ESYT2: variants seen among roughly 807,000 people sequenced by gnomAD.
ESYT2 encodes extended synaptotagmin-2.
ESYT2 carries 54 observed loss-of-function variants against 107.2 expected under a neutral mutation model. The observed-to-expected ratio is 0.50, with a 90% confidence interval of 0.40 to 0.63. The LOEUF is 0.63. ESYT2 is among the 30% of genes least tolerant of loss of function. ESYT2 has a pLI of 0.00. For synonymous variants in ESYT2, 491 were observed against 434.1 expected (o/e 1.13, Z -1.63); for missense variants, 1,020 against 1,094.5 (o/e 0.93, Z 0.96).
chr7:158,771,779 C>T (rs1584824240), intron 7 of ESYT2, among the ~76,000 whole-genome samples: 1 of 152,174 alleles, frequency 6.6e-6, no homozygotes, highest in Non-Finnish European at 1.5e-5. Flanking sequence ...TCAGAGCAGG[C>T]AGTGGGCGCC....
intron 1 of ESYT2, among the ~76,000 whole-genome samples, chr7:158,810,964 T>C (rs944349508): frequency 6.7e-6 from 1 of 149,170 alleles, no homozygotes; most frequent in African/African-American, 2.5e-5. Flanking sequence ...GGCTGGATTG[T>C]ATGGTATGTG....
At chr7:158,792,768 T>G (rs956839456) in intron 4 of ESYT2, among the ~76,000 whole-genome samples, 232 of 135,956 alleles carry the variant, frequency 1.7e-3, no homozygotes, top group Non-Finnish European at 2.4e-3. Flanking sequence ...CGTGGGGTTT[T>G]TTTTTTTTTT....
intron 6 of ESYT2, among the ~76,000 whole-genome samples, chr7:158,783,916 A>T (rs1839016172): frequency 6.6e-6 from 1 of 152,230 alleles, no homozygotes; most frequent in Non-Finnish European, 1.5e-5. Context: ...TGGGGGAGGG[A>T]AGCACCTTGA....
At chr7:158,789,349 T>C (rs1839208074) in intron 4 of ESYT2, among the ~76,000 whole-genome samples, 1 of 152,144 alleles carries the variant, frequency 6.6e-6, no homozygotes, top group Non-Finnish European at 1.5e-5. Context: ...ATTCTATGAC[T>C]TGATCATTTT....
At chr7:158,742,673 G>A (rs1837256867) in intron 17 of ESYT2, among the ~76,000 whole-genome samples, 1 of 152,236 alleles carries the variant, frequency 6.6e-6, no homozygotes, top group Admixed American at 6.5e-5. Context: ...GCTGGTCCCT[G>A]GGCTGGCTTG....
At chr7:158,755,826 T>C (rs558898084) in intron 13 of ESYT2, among the ~76,000 whole-genome samples, 20 of 152,130 alleles carry the variant, frequency 1.3e-4, no homozygotes, top group African/African-American at 4.6e-4. Context: ...ATGAGATCAC[T>C]TGGACACAGG....
chr7:158,825,771 G>A (rs1296758583), intron 1 of ESYT2, among the ~76,000 whole-genome samples: 4 of 152,146 alleles, frequency 2.6e-5, no homozygotes, highest in South Asian at 4.1e-4. Context: ...GGTTGTCAAC[G>A]ACACACTATG....
intron 1 of ESYT2, among the ~76,000 whole-genome samples, chr7:158,800,141 C>A (rs952864197): frequency 2.0e-5 from 3 of 151,674 alleles, no homozygotes; most frequent in Non-Finnish European, 4.4e-5. Context: ...CTCCGCCTCC[C>A]GGGTTCAAGT....
Position 158,829,118 on chromosome 7 carries a change from C to G in ESYT2, c.301G>C (p.Gly101Arg). ...GCGGGCAGGTCGCAGGCGCGCACCCCCAGGCGCACGACGCGCTCCTCGTCT... is the reference window on the plus strand; with the variant it reads ...GCGGGCAGGTCGCAGGCGCGCACCCGCAGGCGCACGACGCGCTCCTCGTCT... ...LEDEERVVRL[G>R]VRACDLPAWV... Residue 101 changes from glycine to arginine, a missense_variant, in exon 1 of 23, where the codon GGG becomes CGG. By Grantham distance (125) the Gly-to-Arg change is moderately radical. Coordinates refer to ENST00000275418, the MANE Select transcript of ESYT2 (RefSeq NM_001367773.1). The G allele has an allele frequency of 6.3e-7, 1 of 1,578,784 alleles. No individual in the cohort carries two copies. Among genetic ancestry groups the G allele is most frequent in the Non-Finnish European group, 8.5e-7 (1 of 1,171,628 alleles).
At chr7:158,828,707 C>CG (rs1440263590) in intron 1 of ESYT2, among the ~76,000 whole-genome samples, 1 of 152,120 alleles carries the variant, frequency 6.6e-6, no homozygotes, top group Non-Finnish European at 1.5e-5. Flanking sequence ...CGGCGAGCAG[C>CG]GGGCGGCGGC....
Position 158,759,952 on chromosome 7 carries a change from T to C in ESYT2, c.1323+106A>G, listed in dbSNP as rs1362105661. ...CTTATTACACAATAATGAAAATTAC[T>C]GCTATAATTGTTAAAAAATCAAGTA... On this transcript the variant is annotated intron_variant, in intron 12 of 22. Coordinates refer to ENST00000275418, the MANE Select transcript of ESYT2 (RefSeq NM_001367773.1). 6 of 929,540 alleles carry C rather than the reference T, an allele frequency of 6.5e-6. No homozygotes were observed. The African/African-American group carries it at 8.2e-5, about 13-fold the overall frequency. The allele number at this position is 929,540 out of a possible 1,614,324, so 57.6% of individuals were successfully genotyped here.
intron 3 of ESYT2, among the ~76,000 whole-genome samples, chr7:158,797,405 C>G (rs1839495897): frequency 1.3e-5 from 2 of 151,946 alleles, no homozygotes; most frequent in Admixed American, 6.6e-5. Flanking sequence ...GTGCTGGGGT[C>G]ACAAGCATGA....
intron 4 of ESYT2, among the ~76,000 whole-genome samples, chr7:158,792,930 G>A (rs1388786887): frequency 1.3e-5 from 2 of 151,644 alleles, no homozygotes; most frequent in East Asian, 3.9e-4. Flanking sequence ...CACCACGCCT[G>A]GCTAATTTTT....
intron 16 of ESYT2, among the ~76,000 whole-genome samples, chr7:158,746,633 CA>C (rs1341499952): frequency 6.6e-6 from 1 of 152,040 alleles, no homozygotes; most frequent in African/African-American, 2.4e-5. Context: ...TACATATGGG[CA>C]ACTGAATTTC....
rs1327420213 is a variant in ESYT2 at position 158,829,468 on chromosome 7, G to C, written c.-50C>G. On this transcript the variant is annotated 5_prime_UTR_variant, in exon 1 of 23. Transcript: ENST00000275418. ...CCCGGCCGAGGCGGGCTGGGTGCTCGCGCTGATCCCGGGCGGCTCAGCCCC... is the reference window on the plus strand; with the variant it reads ...CCCGGCCGAGGCGGGCTGGGTGCTCCCGCTGATCCCGGGCGGCTCAGCCCC... The C allele has an allele frequency of 1.7e-6, 2 of 1,207,250 alleles. No individual in the cohort carries two copies. Among genetic ancestry groups the C allele is most frequent in the African/African-American group, 1.6e-5 (1 of 62,842 alleles). 74.8% of individuals were successfully genotyped at this position (1,207,250 alleles called of 1,614,324 possible). A position where few individuals can be genotyped will look rare whatever the true frequency, so the allele number is the denominator to read the frequency against.
At chr7:158,826,417 G>A (rs1288162624) in intron 1 of ESYT2, among the ~76,000 whole-genome samples, 1 of 151,880 alleles carries the variant, frequency 6.6e-6, no homozygotes, top group African/African-American at 2.4e-5. Context: ...ACATTCTGGA[G>A]AAAATATAAA....
intron 17 of ESYT2, among the ~76,000 whole-genome samples, chr7:158,743,207 C>T (rs1014234201): frequency 1.3e-5 from 2 of 152,072 alleles, no homozygotes; most frequent in Non-Finnish European, 2.9e-5. Context: ...TTGTTGATAC[C>T]AACAGTAACA....
intron 1 of ESYT2, among the ~76,000 whole-genome samples, chr7:158,828,663 G>A (rs547773276): frequency 1.3e-5 from 2 of 152,328 alleles, no homozygotes; most frequent in South Asian, 2.1e-4. Flanking sequence ...TTGGACGGAG[G>A]GAGGGCACGG....
Position 158,732,074 on chromosome 7 carries a change from T to C in ESYT2, c.*2133A>G, listed in dbSNP as rs1413619454. On this transcript the variant is annotated 3_prime_UTR_variant, in exon 23 of 23. Transcript: ENST00000275418. ...CTTCCTCTGGGCTTTGTACCTTTAA[T>C]TGTGTCTACTCTGCCTAAGTGCTTA... The C allele has an allele frequency of 6.6e-6, 1 of 151,986 alleles. No individual in the cohort carries two copies. The highest frequency in any genetic ancestry group is 2.4e-5 in the African/African-American group (1 of 41,174). The allele number at this position is 151,986 out of a possible 1,614,324, so 9.4% of individuals were successfully genotyped here.
Sources: gnomAD v4.1 joint callset for allele counts (sites outside exome capture counted in the v4.1 genomes callset) on GRCh38, gnomAD v4.1.1 for gene constraint, MANE v1.5 for transcripts, NCBI Gene and HGNC (gene_info 2026-07-23, HGNC 2026-07-21) for gene names.